Variants in SETD2 observed in about 807,000 individuals in gnomAD.
SETD2 encodes the protein histone-lysine N-methyltransferase SETD2.
In SETD2, 31 loss-of-function variants were observed where a neutral mutation model predicts 242.1. That is an observed-to-expected ratio of 0.13 (90% CI 0.10 to 0.17). The LOEUF (loss-of-function observed/expected upper bound fraction) is 0.17. Ranked by LOEUF, SETD2 falls within the 10% of genes least tolerant of loss-of-function variation. SETD2 has a pLI of 1.00. For missense variants in SETD2, 2,481 were observed against 3,046.3 expected (o/e 0.81, Z 4.37); for synonymous variants, 1,006 against 1,066.5 (o/e 0.94, Z 1.11).
At chr3:47,031,798 A>C (rs144071292) in intron 18 of SETD2, among the ~76,000 whole-genome samples, 4 of 152,328 alleles carry the variant, frequency 2.6e-5, no homozygotes, top group African/African-American at 7.2e-5. Context: ...AGCTATCAAA[A>C]TTTTTCATAT....
At chr3:47,132,428 A>G (rs1444115613) in intron 1 of SETD2, among the ~76,000 whole-genome samples, 3 of 152,160 alleles carry the variant, frequency 2.0e-5, no homozygotes, top group South Asian at 2.1e-4. Flanking sequence ...TGGAAGTTAC[A>G]GTGAGCAGAG....
At chr3:47,037,815 G>A (rs1459960767) in intron 17 of SETD2, 38 bp from the exon 18 acceptor site, 1 of 1,421,728 alleles carries the variant, frequency 7.0e-7, no homozygotes, top group East Asian at 2.3e-5. Context: ...GTCAGGGCTA[G>A]GAAACAGAGA....
At chr3:47,146,831 G>C (rs2106810253) in intron 1 of SETD2, among the ~76,000 whole-genome samples, 1 of 151,862 alleles carries the variant, frequency 6.6e-6, no homozygotes, top group South Asian at 2.1e-4. Flanking sequence ...CCAGCTGCTT[G>C]GGAGGCTGAG....
At chr3:47,076,984 C>T (rs1458549800) in intron 12 of SETD2, among the ~76,000 whole-genome samples, 1 of 152,072 alleles carries the variant, frequency 6.6e-6, no homozygotes, top group Non-Finnish European at 1.5e-5. Context: ...TGAAGGGTTA[C>T]ATGAAAGGGG....
intron 13 of SETD2, among the ~76,000 whole-genome samples, chr3:47,065,219 C>T (rs1415773288): frequency 1.3e-5 from 2 of 151,996 alleles, no homozygotes; most frequent in Non-Finnish European, 1.5e-5. Flanking sequence ...ATTTGCAGCC[C>T]TAAGTAGAAT....
At chr3:47,103,215 TTAAA>T (rs1431139642) in intron 7 of SETD2, 127 bp downstream of exon 7, 3 of 620,388 alleles carry the variant, frequency 4.8e-6, no homozygotes, top group South Asian at 2.0e-5. Flanking sequence ...AAATAAAATC[TTAAA>T]TAATAAAGTA....
chr3:47,062,099 T>G, intron 14 of SETD2, 64 bp downstream of exon 14: 1 of 1,454,332 alleles, frequency 6.9e-7, no homozygotes, highest in Non-Finnish European at 9.5e-7. Flanking sequence ...AGTATATGAC[T>G]TGGGTACTTT....
rs570936794 is a variant in SETD2 at position 47,121,250 on chromosome 3, T to C, written c.3386A>G (p.Asp1129Gly). ...SIASKACPQTDKFFLHKGTEK... is the reference protein window; with the variant it reads ...SIASKACPQTGKFFLHKGTEK... Reference sequence around the variant, plus strand: ...TGTTCCTTTATGAAGGAAAAACTTATCAGTTTGAGGACAGGCTTTACTTGC... The same window carrying C: ...TGTTCCTTTATGAAGGAAAAACTTACCAGTTTGAGGACAGGCTTTACTTGC... The change falls in exon 3 of 21, where the codon GAT becomes GGT. Residue 1129 changes from aspartate to glycine, a missense_variant. Physicochemically the swap from Asp to Gly is moderately conservative, Grantham distance 94. Transcript: ENST00000409792. 8 of 1,614,126 alleles carry C rather than the reference T, an allele frequency of 5.0e-6. No individual in the cohort carries two copies. The highest frequency in any genetic ancestry group is 2.2e-5 in the East Asian group (1 of 44,882).
intron 18 of SETD2, among the ~76,000 whole-genome samples, chr3:47,035,348 GCC>G (rs1035252774): frequency 3.9e-5 from 6 of 152,212 alleles, no homozygotes; most frequent in African/African-American, 1.4e-4. Context: ...CCAGCAGAGA[GCC>G]TTGTAAAAGG....
chr3:47,087,416 T>C (rs917332440), intron 10 of SETD2, among the ~76,000 whole-genome samples: 24 of 152,196 alleles, frequency 1.6e-4, no homozygotes, highest in Admixed American at 1.4e-3. Context: ...GTGTACAACC[T>C]AGATCTCTCG....
intron 1 of SETD2, among the ~76,000 whole-genome samples, chr3:47,145,795 G>A (rs2043836844): frequency 6.6e-6 from 1 of 151,942 alleles, no homozygotes; most frequent in Non-Finnish European, 1.5e-5. Context: ...AACAGGAGGA[G>A]TGCTTAAGGC....
At chr3:47,141,726 C>T (rs2043733439) in intron 1 of SETD2, among the ~76,000 whole-genome samples, 1 of 152,100 alleles carries the variant, frequency 6.6e-6, no homozygotes, top group Non-Finnish European at 1.5e-5. Context: ...TACAACAATT[C>T]AAAAAGTTTC....
intron 18 of SETD2, among the ~76,000 whole-genome samples, chr3:47,020,133 T>C (rs972618699): frequency 1.3e-5 from 2 of 152,142 alleles, no homozygotes; most frequent in African/African-American, 2.4e-5. Context: ...CTCATGTCCC[T>C]GTTCTGGGTT....
Position 47,019,835 on chromosome 3 carries a change from C to T in SETD2, c.7356G>A (p.Ser2452=), listed in dbSNP as rs368025625. Residue 2452 remains serine, a synonymous_variant, in exon 19 of 21, where the codon TCG becomes TCA. Transcript: ENST00000409792. ...CTGCTTCTGCTGTCTTGGGCTTTTTCGAGGCCTAAAAATGGAGGAGAAAAC... is the reference window on the plus strand; with the variant it reads ...CTGCTTCTGCTGTCTTGGGCTTTTTTGAGGCCTAAAAATGGAGGAGAAAAC... ...PTYDENPMKA[S]KKPKTAEADT... 18 of 1,613,640 alleles carry T rather than the reference C, an allele frequency of 1.1e-5. No homozygotes were observed. The highest frequency in any genetic ancestry group is 3.3e-4 in the Middle Eastern group (2 of 6,084).
intron 1 of SETD2, among the ~76,000 whole-genome samples, chr3:47,159,217 C>T (rs1242067508): frequency 6.6e-6 from 1 of 152,148 alleles, no homozygotes; most frequent in Non-Finnish European, 1.5e-5. Flanking sequence ...CTGGTGAAAA[C>T]AAAATTTATC....
chr3:47,154,993 CA>C (rs202104622), intron 1 of SETD2, among the ~76,000 whole-genome samples: 165 of 139,642 alleles, frequency 1.2e-3, no homozygotes, highest in Non-Finnish European at 1.1e-3. Context: ...GACTCCATCT[CA>C]AAAAAAAAAA....
intron 18 of SETD2, among the ~76,000 whole-genome samples, chr3:47,035,328 C>T (rs775870903): frequency 1.4e-4 from 22 of 152,220 alleles, no homozygotes; most frequent in Non-Finnish European, 3.1e-4. Context: ...TCAACCCCTC[C>T]AGTCCATCTC....
At chr3:47,098,926 A>C (rs2042105078) in intron 8 of SETD2, among the ~76,000 whole-genome samples, 1 of 152,170 alleles carries the variant, frequency 6.6e-6, no homozygotes, top group South Asian at 2.1e-4. Context: ...ACAGCACTTG[A>C]TTTCCACTTT....
At chr3:47,050,361 CAGA>C (rs1318869431) in intron 15 of SETD2, among the ~76,000 whole-genome samples, 1 of 152,086 alleles carries the variant, frequency 6.6e-6, no homozygotes, top group Non-Finnish European at 1.5e-5. Flanking sequence ...GTCAGAAGGC[CAGA>C]AGAATTTTTC....
Sources: gnomAD v4.1 joint callset for allele counts (sites outside exome capture counted in the v4.1 genomes callset) on GRCh38, gnomAD v4.1.1 for gene constraint, MANE v1.5 for transcripts, NCBI Gene and HGNC (gene_info 2026-07-23, HGNC 2026-07-21) for gene names.